IFT88: variants seen among roughly 807,000 people sequenced by gnomAD.
The protein encoded by IFT88 is intraflagellar transport protein 88 homolog.
A neutral mutation model predicts 119.5 loss-of-function variants in IFT88; 74 were observed. The observed-to-expected ratio is 0.62, with a 90% CI of 0.51 to 0.75. The LOEUF is 0.75. Ranked by LOEUF, IFT88 falls within the 30% of genes least tolerant of loss-of-function variation. The pLI is 0.00. For synonymous variants in IFT88, 279 were observed against 316.7 expected (o/e 0.88, Z 1.26); for missense variants, 961 against 977.7 (o/e 0.98, Z 0.23).
chr13:20,661,042 C>T (rs1055870357), intron 22 of IFT88, among the ~76,000 whole-genome samples: 2 of 152,154 alleles, frequency 1.3e-5, no homozygotes, highest in South Asian at 2.1e-4. Context: ...CTTTTACCAA[C>T]TATTTTTTAT....
At chr13:20,655,858 A>C (rs1305456333) in intron 21 of IFT88, among the ~76,000 whole-genome samples, 1 of 152,202 alleles carries the variant, frequency 6.6e-6, no homozygotes, top group Non-Finnish European at 1.5e-5. Flanking sequence ...CATTACTGTA[A>C]GTATATAACT....
chr13:20,639,120 A>G (rs975322947), intron 17 of IFT88, among the ~76,000 whole-genome samples: 2 of 152,310 alleles, frequency 1.3e-5, no homozygotes, highest in Non-Finnish European at 2.9e-5. Flanking sequence ...ACACATGTCC[A>G]TGCAGTACTG....
rs1344092075 is a variant in IFT88 at position 20,574,398 on chromosome 13, G to A, written c.13G>A (p.Val5Met). 1.9e-6 allele frequency: 3 copies of A among 1,609,848 alleles called. No individual in the cohort carries two copies. Among genetic ancestry groups the A allele is most frequent in the African/African-American group, 1.3e-5 (1 of 74,968 alleles). Residue 5 changes from valine (V) to methionine (M), a missense_variant, in exon 2 of 26, where the codon GTG becomes ATG. Physicochemically the swap from Val to Met is conservative, Grantham distance 21 (BLOSUM62 1). Transcript: ENST00000351808. The part of the protein sequence containing the change: MMQN[V>M]HLAPETDEDD... ...TTCCTAGGTACAAATGATGCAAAAT[G>A]TGCACCTGGCTCCAGAGACAGATGA...
chr13:20,583,007 C>T lies in IFT88; in HGVS notation c.141C>T (p.Gly47=). The change falls in exon 3 of 26, where the codon GGC becomes GGT. Residue 47 remains glycine, a synonymous_variant. Coordinates refer to ENST00000351808, the MANE Select transcript of IFT88 (RefSeq NM_006531.5). ...AGCAAGCTGTGAGGACTAGTCATGG[C>T]AGAAGACCTCCAGTAAGTGAAAAAA... is the stretch of plus-strand genomic sequence containing the variant. ...AFQQAVRTSH[G]RRPPITAKIS... 6.2e-7 allele frequency: 1 copy of T among 1,607,820 alleles called. No individual in the cohort carries two copies. The highest frequency in any genetic ancestry group is 2.2e-5 in the East Asian group (1 of 44,828).
chr13:20,582,867 A>G, intron 2 of IFT88, 90 bp from the exon 3 acceptor site: 1 of 922,754 alleles, frequency 1.1e-6, no homozygotes, highest in Non-Finnish European at 1.7e-6. Flanking sequence ...TGAGTTATAG[A>G]GGCTCTTGAG....
At chr13:20,615,613 G>T (rs984061357) in intron 13 of IFT88, among the ~76,000 whole-genome samples, 180 bp from the exon 14 acceptor site, 1 of 152,090 alleles carries the variant, frequency 6.6e-6, no homozygotes, top group Non-Finnish European at 1.5e-5. Flanking sequence ...TGCTAATTAC[G>T]TTTCCTAGTC....
At chr13:20,570,099 T>C (rs1332745890) in intron 1 of IFT88, among the ~76,000 whole-genome samples, 1 of 149,556 alleles carries the variant, frequency 6.7e-6, no homozygotes, top group East Asian at 1.9e-4. Context: ...GATATAGAAA[T>C]GGATAATAAG....
intron 2 of IFT88, among the ~76,000 whole-genome samples, chr13:20,577,539 A>G (rs978029534): frequency 6.6e-6 from 1 of 151,676 alleles, no homozygotes; most frequent in Non-Finnish European, 1.5e-5. Flanking sequence ...TTCTATACAC[A>G]GTTTTTTTTT....
intron 14 of IFT88, among the ~76,000 whole-genome samples, chr13:20,624,937 A>G (rs2047076324): frequency 6.6e-6 from 1 of 152,224 alleles, no homozygotes; most frequent in Non-Finnish European, 1.5e-5. Context: ...AATTTTAAGT[A>G]TATAATATAT....
chr13:20,598,578 C>T, intron 9 of IFT88, 73 bp from the exon 10 acceptor site: 1 of 804,382 alleles, frequency 1.2e-6, no homozygotes, highest in East Asian at 2.5e-5. Context: ...GGATTTTAAT[C>T]TCTAGAAAGA....
intron 9 of IFT88, among the ~76,000 whole-genome samples, chr13:20,597,692 C>T (rs905253181): frequency 4.6e-5 from 7 of 150,776 alleles, no homozygotes; most frequent in Admixed American, 1.3e-4. Context: ...TGCGGCGAGC[C>T]AAGATCTTGC....
chr13:20,607,850 T>G, intron 13 of IFT88: 1 of 723,950 alleles, frequency 1.4e-6, no homozygotes, highest in Non-Finnish European at 2.6e-6. Context: ...ACAGTGTCCC[T>G]GATCATGCTG....
chr13:20,634,752 G>A, intron 16 of IFT88, among the ~76,000 whole-genome samples: 1 of 149,456 alleles, frequency 6.7e-6, no homozygotes. Flanking sequence ...AAAAAAAGAA[G>A]AAATGGAGCT....
intron 13 of IFT88, chr13:20,612,235 C>T (rs992887618): frequency 6.6e-6 from 1 of 152,170 alleles, no homozygotes; most frequent in East Asian, 1.9e-4. Flanking sequence ...CAAGGACAAT[C>T]TGTTAAATGG....
intron 22 of IFT88, among the ~76,000 whole-genome samples, chr13:20,662,589 C>G (rs1434900073): frequency 6.6e-6 from 1 of 151,958 alleles, no homozygotes; most frequent in African/African-American, 2.4e-5. Flanking sequence ...TGTTTTTTAC[C>G]TTTGTATGTT....
At chr13:20,636,902 A>G (rs904285997) in intron 16 of IFT88, among the ~76,000 whole-genome samples, 5 of 152,252 alleles carry the variant, frequency 3.3e-5, no homozygotes, top group African/African-American at 1.2e-4. Flanking sequence ...CCAAGTGTCC[A>G]TCAACAATGA....
chr13:20,674,935 G>A (rs544272258), intron 24 of IFT88, among the ~76,000 whole-genome samples: 6 of 151,408 alleles, frequency 4.0e-5, no homozygotes, highest in South Asian at 2.1e-4. Context: ...GGATGGTCTC[G>A]ATCTCCTGAC....
chr13:20,601,758 C>T lies in IFT88; in HGVS notation c.866C>T (p.Ser289Leu), dbSNP rs770503048. ...GVTFIQAGQY[S>L]DAINSYEHIM... is the part of the protein sequence containing the mutation. ...ACATTTATTCAGGCTGGTCAGTATTCAGATGCTATTAATTCATATGAGCAC... is the reference window on the plus strand; with the variant it reads ...ACATTTATTCAGGCTGGTCAGTATTTAGATGCTATTAATTCATATGAGCAC... The change falls in exon 12 of 26, where the codon TCA becomes TTA. Residue 289 changes from serine (S) to leucine (L), a missense_variant. Physicochemically the swap from Ser to Leu is moderately radical, Grantham distance 145. Coordinates refer to ENST00000351808, the MANE Select transcript of IFT88 (RefSeq NM_006531.5). The T allele has an allele frequency of 6.2e-7, 1 of 1,613,192 alleles. No individual in the cohort carries two copies. Among genetic ancestry groups the T allele is most frequent in the Admixed American group, 1.7e-5 (1 of 60,012 alleles).
At chr13:20,677,337 A>G (rs1419490067) in intron 24 of IFT88, among the ~76,000 whole-genome samples, 2 of 152,224 alleles carry the variant, frequency 1.3e-5, no homozygotes, top group African/African-American at 2.4e-5. Context: ...CAGCTGTAAC[A>G]ATGTAAGAAT....
Sources: allele counts gnomAD v4.1 joint callset (sites outside exome capture counted in the v4.1 genomes callset), GRCh38; gene constraint gnomAD v4.1.1; transcripts MANE v1.5; gene names NCBI Gene and HGNC (gene_info 2026-07-23, HGNC 2026-07-21).